FAM20C: variants seen among roughly 807,000 people sequenced by gnomAD.
The protein encoded by FAM20C is FAM20C golgi associated secretory pathway kinase, also known as extracellular serine/threonine protein kinase FAM20C.
In FAM20C, 40 loss-of-function variants were observed where a neutral mutation model predicts 51.5. That is an observed-to-expected ratio of 0.78 (90% CI 0.60 to 1.01). The LOEUF (loss-of-function observed/expected upper bound fraction) is 1.01. FAM20C is among the 50% of genes least tolerant of loss of function. The probability of loss-of-function intolerance (pLI) is 0.00; values close to 1 mark genes in which losing one functional copy is unlikely to be tolerated. For missense variants in FAM20C, 861 were observed against 844.7 expected, an observed-to-expected ratio of 1.02 and a Z score of -0.24; for synonymous variants, 406 against 380.6, an observed-to-expected ratio of 1.07 and a Z score of -0.78.
intron 6 of FAM20C, 128 bp downstream of exon 6, chr7:256,157 T>A: frequency 1.7e-6 from 2 of 1,179,462 alleles, no homozygotes; most frequent in Non-Finnish European, 2.3e-6. Flanking sequence ...TGTGCGATGC[T>A]GGCCTGTGTG....
intron 3 of FAM20C, among the ~76,000 whole-genome samples, chr7:215,581 TGG>T (rs1289216868): frequency 0.5 from 2 of 4 alleles, 1 homozygote; most frequent in Non-Finnish European, 0.5. Context: ...TGGGGCTGGG[TGG>T]GGGGAGCAGG....
Position 193,524 on chromosome 7 carries a change from A to G in FAM20C, c.325A>G (p.Lys109Glu). The G allele has an allele frequency of 6.7e-7, 1 of 1,499,668 alleles. No individual in the cohort carries two copies. Among genetic ancestry groups the G allele is most frequent in the Non-Finnish European group, 8.9e-7 (1 of 1,121,362 alleles). The allele number at this position is 1,499,668 out of a possible 1,614,324, so 92.9% of individuals were successfully genotyped here. ...CAACCTCTCGTCCCACTCGCTGGAG[A>G]AACTGCCGCCCGCGGCCGAGCCGGC... ...SSNLSSHSLE[K>E]LPPAAEPAER... The change falls in exon 1 of 10, where the codon AAA becomes GAA. Residue 109 changes from lysine to glutamate, a missense_variant. By Grantham distance (56) the Lys-to-Glu change is moderately conservative. Around this residue, in one of 3 missense-constraint regions of FAM20C, gnomAD observed 561 missense variants for 499.8 expected, o/e 1.12. Coordinates refer to ENST00000313766, the MANE Select transcript of FAM20C (RefSeq NM_020223.4).
rs111269862 is a variant in FAM20C at position 201,464 on chromosome 7, C to T, written c.784+5732C>T. Among the ~76,000 whole-genome samples the T allele has an allele frequency of 7.1e-3, 1,078 of 152,278 alleles. 10 individuals carry two copies. Among genetic ancestry groups the T allele is most frequent in the African/African-American group, 0.024 (1,008 of 41,566 alleles). On this transcript the variant is annotated intron_variant, in intron 2 of 9. Transcript: ENST00000313766. ...ATGAGTGGTGGCTGCACCCAGTCTC[C>T]ATCCCCATGAGCACCCTGCGGGGTG...
intron 3 of FAM20C, among the ~76,000 whole-genome samples, chr7:216,756 C>T (rs1350965387): frequency 6.6e-6 from 1 of 151,504 alleles, no homozygotes; most frequent in Non-Finnish European, 1.5e-5. Context: ...AGACTGTCTG[C>T]AAACAGCTGT....
intron 2 of FAM20C, among the ~76,000 whole-genome samples, chr7:207,109 C>T (rs28398018): frequency 0.067 from 954 of 14,254 alleles, 118 homozygotes; most frequent in Non-Finnish European, 0.12. Flanking sequence ...CCCTCGGCCC[C>T]GCACACGTGT....
At chr7:234,478 G>T (rs1465745859) in intron 3 of FAM20C, among the ~76,000 whole-genome samples, 2 of 152,166 alleles carry the variant, frequency 1.3e-5, no homozygotes, top group African/African-American at 4.8e-5. Flanking sequence ...GGGCCGGCGT[G>T]CCAGGACCGG....
chr7:253,931 G>A (rs1788497108), intron 5 of FAM20C, among the ~76,000 whole-genome samples: 1 of 152,238 alleles, frequency 6.6e-6, no homozygotes, highest in African/African-American at 2.4e-5. Flanking sequence ...TGGAGCTCCT[G>A]CCCCGGTGGG....
intron 2 of FAM20C, among the ~76,000 whole-genome samples, chr7:204,748 C>T (rs1786272854): frequency 6.6e-6 from 1 of 152,162 alleles, no homozygotes; most frequent in South Asian, 2.1e-4. Context: ...CATGGTGAGT[C>T]CCCACATTGC....
rs966031096 is a variant in FAM20C, at chr7:198,695, T to C, written c.784+2963T>C. Reference sequence around the variant, plus strand: ...CCTCACAGGGTTGTTGGGGCTTAAATGTGCAAATACGAGTAAAGAGGTGAG... The same window carrying C: ...CCTCACAGGGTTGTTGGGGCTTAAACGTGCAAATACGAGTAAAGAGGTGAG... On this transcript the variant is annotated intron_variant, in intron 2 of 9. Transcript: ENST00000313766. Among the ~76,000 whole-genome samples, 6 of 152,206 alleles carry C rather than the reference T, an allele frequency of 3.9e-5. No homozygotes were observed. The East Asian group carries it at 1.2e-3, about 29-fold the overall frequency.
At chr7:254,377 T>C (rs940213914) in intron 5 of FAM20C, among the ~76,000 whole-genome samples, 8 of 152,212 alleles carry the variant, frequency 5.3e-5, no homozygotes, top group Non-Finnish European at 8.8e-5. Flanking sequence ...GTGAGTGAGG[T>C]TCGGGGCTCC....
In FAM20C at chr7:257,835, C is replaced by T. The variant is rs1319056811; in HGVS notation, c.1445+749C>T. On this transcript the variant is annotated intron_variant, in intron 8 of 9. Transcript: ENST00000313766. The stretch of plus-strand genomic sequence containing the variant: ...CACTGCCCGGGGTGCTGGAGATGGG[C>T]AGGGTGGACCCACTGCCTGGGGTGC... Among the ~76,000 whole-genome samples the T allele has an allele frequency of 3.5e-3, 393 of 110,720 alleles. 2 individuals are homozygous for T. Among genetic ancestry groups the T allele is most frequent in the African/African-American group, 0.017 (370 of 22,208 alleles). 72.6% of individuals were successfully genotyped at this position (110,720 alleles called of 152,430 possible).
intron 3 of FAM20C, among the ~76,000 whole-genome samples, chr7:231,541 G>A (rs1397321369): frequency 6.6e-6 from 1 of 152,202 alleles, no homozygotes; most frequent in African/African-American, 2.4e-5. Context: ...AGGGCTCCGT[G>A]GGAGGAGGGT....
At chr7:251,229 C>T (rs376528028) in intron 5 of FAM20C, among the ~76,000 whole-genome samples, 342 of 135,318 alleles carry the variant, frequency 2.5e-3, no homozygotes, top group African/African-American at 8.5e-3. Context: ...CCGGGCACGG[C>T]GGCTCACGCC....
intron 6 of FAM20C, 193 bp from the exon 7 acceptor site, chr7:256,460 GA>G (rs1342288561): frequency 1.7e-6 from 1 of 602,456 alleles, no homozygotes; most frequent in African/African-American, 1.9e-5. Context: ...GGGTCACCCC[GA>G]GGCAGGGCAG....
At chr7:206,575 T>C in intron 2 of FAM20C, among the ~76,000 whole-genome samples, 1 of 74,760 alleles carries the variant, frequency 1.3e-5, no homozygotes, top group Non-Finnish European at 3.1e-5. Context: ...CACTGTCCCC[T>C]CAGCCCCGCA....
chr7:220,385 C>A (rs1787202999), intron 3 of FAM20C, among the ~76,000 whole-genome samples: 1 of 151,946 alleles, frequency 6.6e-6, no homozygotes, highest in African/African-American at 2.4e-5. Flanking sequence ...CAGGTTCCCA[C>A]CTCAAGTGGA....
In FAM20C at chr7:193,223, G is replaced by A. The variant is rs1303483965; in HGVS notation, c.24G>A (p.Arg8=). 6.8e-7 allele frequency: 1 copy of A among 1,463,348 alleles called. No individual in the cohort carries two copies. Among genetic ancestry groups the A allele is most frequent in the South Asian group, 1.2e-5 (1 of 81,896 alleles). 90.6% of individuals were successfully genotyped at this position (1,463,348 alleles called of 1,614,324 possible). A position where few individuals can be genotyped will look rare whatever the true frequency, so the allele number is the denominator to read the frequency against. Residue 8 remains arginine (R), a synonymous_variant, in exon 1 of 10, where the codon CGG becomes CGA. Transcript: ENST00000313766. ...CCATGAAGATGATGCTGGTGCGCCGGTTCCGCGTGCTCATCCTGATGGTGT... is the reference window on the plus strand; with the variant it reads ...CCATGAAGATGATGCTGGTGCGCCGATTCCGCGTGCTCATCCTGATGGTGT... MKMMLVR[R]FRVLILMVFL...
chr7:217,192 C>T (rs1221910226), intron 3 of FAM20C, among the ~76,000 whole-genome samples: 1 of 152,132 alleles, frequency 6.6e-6, no homozygotes, highest in Non-Finnish European at 1.5e-5. Flanking sequence ...TGCTGACCCC[C>T]CGAGGCCTGT....
At chr7:206,570 T>C (rs1165301521) in intron 2 of FAM20C, among the ~76,000 whole-genome samples, 7 of 62,654 alleles carry the variant, frequency 1.1e-4, no homozygotes, top group East Asian at 6.3e-4. Flanking sequence ...TCGGTCACTG[T>C]CCCCTCAGCC....
Sources: allele counts gnomAD v4.1 joint callset (sites outside exome capture counted in the v4.1 genomes callset), GRCh38; gene constraint gnomAD v4.1.1; regional missense constraint gnomAD v4.1.1; transcripts MANE v1.5; gene names NCBI Gene and HGNC (gene_info 2026-07-23, HGNC 2026-07-21).